The following KLRD1 variants were observed in gnomAD, a reference collection of about 807,000 sequenced individuals.
KLRD1 encodes the protein natural killer cells antigen CD94.
KLRD1 carries 21 observed loss-of-function variants against 22.6 expected under a neutral mutation model. The ratio of observed to expected loss-of-function variants is 0.93; its 90% CI spans 0.66 to 1.34. The LOEUF is 1.34. Among genes scored for constraint, KLRD1 ranks in the 40% most tolerant of loss-of-function variants. KLRD1 has a pLI of 0.00. For missense variants in KLRD1, 183 were observed against 208.6 expected (o/e 0.88, Z 0.76); for synonymous variants, 59 against 71.1 (o/e 0.83, Z 0.85).
rs1241193324 is a variant in KLRD1 at position 10,326,690 on chromosome 12, G to C, written c.*11897G>C. On this transcript the variant is annotated 3_prime_UTR_variant, in exon 6 of 6. Transcript: ENST00000336164. ...AGAATGGGGGGCTCCCAGGTCACAG[G>C]TAAGGGACAAATGGTTGCATCTTTT... The C allele has an allele frequency of 2.6e-5, 4 of 152,202 alleles. No homozygotes were observed. Among genetic ancestry groups the C allele is most frequent in the Non-Finnish European group, 4.4e-5 (3 of 68,046 alleles). The allele number at this position is 152,202 out of a possible 1,614,324, so 9.4% of individuals were successfully genotyped here.
intron 1 of KLRD1, among the ~76,000 whole-genome samples, chr12:10,253,946 GTTGAA>G (rs1949367381): frequency 6.6e-6 from 1 of 152,168 alleles, no homozygotes; most frequent in Admixed American, 6.5e-5. Flanking sequence ...TAATGGGATT[GTTGAA>G]TTGAATGGTA....
rs574449011 is a variant in KLRD1, at chr12:10,262,241, G to C, written c.-101+36008G>C. On this transcript the variant is annotated intron_variant, in intron 1 of 5. Coordinates refer to the KLRD1 transcript ENST00000544747. The stretch of plus-strand genomic sequence containing the variant: ...AATTCTTCATTATTGGTCTTGATGG[G>C]ACTGGAGCTCAATGCTTCAGAACAA... 1.4e-4 allele frequency among the ~76,000 whole-genome samples: 22 copies of C among 152,066 alleles called. No individual in the cohort carries two copies. In the South Asian group the frequency reaches 1.7e-3, roughly 11 times the overall value.
At chr12:10,309,278 G>A (rs1479863421) in intron 1 of KLRD1, 110 bp from the exon 2 acceptor site, 9 of 656,130 alleles carry the variant, frequency 1.4e-5, no homozygotes, top group South Asian at 5.8e-5. Context: ...AGATGACTCC[G>A]TTATCAAATG....
At chr12:10,255,317 T>G (rs1223299409) in intron 1 of KLRD1, among the ~76,000 whole-genome samples, 2 of 152,226 alleles carry the variant, frequency 1.3e-5, no homozygotes, top group African/African-American at 4.8e-5. Flanking sequence ...TGGCTTTGTT[T>G]ATTTTCTCTA....
intron 1 of KLRD1, among the ~76,000 whole-genome samples, chr12:10,295,607 A>G (rs930403858): frequency 2.0e-5 from 3 of 152,214 alleles, no homozygotes; most frequent in African/African-American, 7.2e-5. Flanking sequence ...CAATACTTGT[A>G]CTTTAAAATA....
Position 10,328,737 on chromosome 12 carries a change from C to G in KLRD1, c.*13944C>G, listed in dbSNP as rs1950383104. On this transcript the variant is annotated 3_prime_UTR_variant, in exon 6 of 6. Coordinates refer to ENST00000336164, the MANE Select transcript of KLRD1 (RefSeq NM_002262.5). ...CTAGTTGCTTGGGATATGTATTAGT[C>G]CATTTTCACACTGTTGATAAAGACT... The G allele has an allele frequency of 1.3e-5, 2 of 151,868 alleles. No individual in the cohort carries two copies. The highest frequency in any genetic ancestry group is 1.5e-5 in the Non-Finnish European group (1 of 67,978). The allele number at this position is 151,868 out of a possible 1,614,324, so 9.4% of individuals were successfully genotyped here.
chr12:10,305,582 A>G (rs567694369), upstream of KLRD1, among the ~76,000 whole-genome samples: 1 of 152,288 alleles, frequency 6.6e-6, no homozygotes, highest in Non-Finnish European at 1.5e-5. Flanking sequence ...TAGGGCTGAG[A>G]CTGCTGGACT....
At chr12:10,311,804 A>G in intron 4 of KLRD1, 189 bp downstream of exon 4, 1 of 464,214 alleles carries the variant, frequency 2.2e-6, no homozygotes, top group Non-Finnish European at 3.7e-6. Flanking sequence ...TAATGATTAT[A>G]TCATGGGAAT....
intron 1 of KLRD1, among the ~76,000 whole-genome samples, chr12:10,279,569 T>G (rs1393180600): frequency 1.3e-5 from 2 of 152,216 alleles, no homozygotes. Flanking sequence ...TTTATATGCA[T>G]GCACTTGCCC....
intron 1 of KLRD1, among the ~76,000 whole-genome samples, chr12:10,263,610 T>C (rs931297661): frequency 2.0e-5 from 3 of 152,116 alleles, no homozygotes; most frequent in African/African-American, 4.8e-5. Context: ...AGATCAGATC[T>C]GATCCCTGTC....
chr12:10,314,925 A>C lies in KLRD1; in HGVS notation c.*132A>C, dbSNP rs1950188086. Reference sequence around the variant, plus strand: ...ATGTTTTTAAACAGTGTCATATACAATTGTCATGTATGTGAAACAATGTGT... The same window carrying C: ...ATGTTTTTAAACAGTGTCATATACACTTGTCATGTATGTGAAACAATGTGT... On this transcript the variant is annotated 3_prime_UTR_variant, in exon 6 of 6. Coordinates refer to ENST00000336164, the MANE Select transcript of KLRD1 (RefSeq NM_002262.5). 2 of 755,228 alleles carry C rather than the reference A, an allele frequency of 2.6e-6. No individual in the cohort carries two copies. Among genetic ancestry groups the C allele is most frequent in the Non-Finnish European group, 4.1e-6 (2 of 482,250 alleles). 46.8% of individuals were successfully genotyped at this position (755,228 alleles called of 1,614,324 possible).
intron 1 of KLRD1, among the ~76,000 whole-genome samples, chr12:10,254,107 C>T (rs1425127448): frequency 6.6e-6 from 1 of 152,064 alleles, no homozygotes; most frequent in African/African-American, 2.4e-5. Context: ...TCTAATGAAA[C>T]TTAAGAGCTT....
chr12:10,324,814 G>GTATATATATATATA lies in KLRD1; in HGVS notation c.*10022_*10023insATATATATATATAT, dbSNP rs1246906245. The stretch of plus-strand genomic sequence containing the variant: ...TGTAAGTATATATGTATATGTGTGT[G>GTATATATATATATA]TGTGTATATATATATATATATATAT... On this transcript the variant is annotated 3_prime_UTR_variant, in exon 6 of 6. Coordinates refer to ENST00000336164, the MANE Select transcript of KLRD1 (RefSeq NM_002262.5). 6 of 11,948 alleles carry GTATATATATATATA rather than the reference G, an allele frequency of 5.0e-4. No individual in the cohort carries two copies. Among genetic ancestry groups the GTATATATATATATA allele is most frequent in the Non-Finnish European group, 9.0e-4 (5 of 5,584 alleles). The allele number at this position is 11,948 out of a possible 1,614,324, so 0.7% of individuals were successfully genotyped here.
At chr12:10,252,968 A>G (rs7971548) in intron 1 of KLRD1, among the ~76,000 whole-genome samples, 86,168 of 151,260 alleles carry the variant, frequency 0.57, 27,230 homozygotes, top group Admixed American at 0.74. Flanking sequence ...AAAAAAAAAA[A>G]AAAAGATGAA....
Position 10,329,338 on chromosome 12 carries a change from G to A in KLRD1, c.*14545G>A, listed in dbSNP as rs1565480582. On this transcript the variant is annotated 3_prime_UTR_variant, in exon 6 of 6. Coordinates refer to ENST00000336164, the MANE Select transcript of KLRD1 (RefSeq NM_002262.5). ...GTTTTCCTTTTGCAACTGATTTCTA[G>A]TTTCATTCCCTTGATGCTGTAAAAG... The A allele has an allele frequency of 6.6e-6, 1 of 152,128 alleles. No homozygotes were observed. Among genetic ancestry groups the A allele is most frequent in the East Asian group, 1.9e-4 (1 of 5,178 alleles). The allele number at this position is 152,128 out of a possible 1,614,324, so 9.4% of individuals were successfully genotyped here.
chr12:10,248,998 A>G (rs577010453), intron 1 of KLRD1, among the ~76,000 whole-genome samples: 2 of 152,202 alleles, frequency 1.3e-5, no homozygotes, highest in Non-Finnish European at 2.9e-5. Context: ...AGATTTTAAC[A>G]TGTTCACACT....
chr12:10,290,611 G>A (rs572046565), intron 1 of KLRD1, among the ~76,000 whole-genome samples: 7 of 152,206 alleles, frequency 4.6e-5, no homozygotes, highest in Middle Eastern at 3.4e-3. Context: ...TAGAATTGGC[G>A]TGTAATGTGT....
chr12:10,254,431 CAAA>C (rs71300165), intron 1 of KLRD1, among the ~76,000 whole-genome samples: 215 of 86,944 alleles, frequency 2.5e-3, no homozygotes, highest in Middle Eastern at 0.016. Flanking sequence ...CACTCCGTCT[CAAA>C]AAAAAAAAAA....
rs9788026 is a variant in KLRD1, at chr12:10,297,523, G to A, written c.-100-10455G>A. ...AAAACTCAATAAAATAATTTTATAT[G>A]CTTTCTTATTTTAATATATTTTATA... On this transcript the variant is annotated intron_variant, in intron 1 of 5. Transcript: ENST00000544747. Among the ~76,000 whole-genome samples the A allele has an allele frequency of 3.9e-3, 594 of 151,886 alleles. 19 individuals carry two copies. The East Asian group carries it at 0.068, about 17-fold the overall frequency.
Sources: gnomAD v4.1 joint callset for allele counts (sites outside exome capture counted in the v4.1 genomes callset) on GRCh38, gnomAD v4.1.1 for gene constraint, MANE v1.5 for transcripts, NCBI Gene and HGNC (gene_info 2026-07-23, HGNC 2026-07-21) for gene names.